The following RFTN1 variants were observed in gnomAD, a reference collection of about 807,000 sequenced individuals.
RFTN1 encodes raftlin, lipid raft linker 1.
A neutral mutation model predicts 46.5 loss-of-function variants in RFTN1; 26 were observed. The observed-to-expected ratio is 0.56, with a 90% confidence interval of 0.41 to 0.78. The LOEUF (loss-of-function observed/expected upper bound fraction) is 0.78, where lower values mean the gene tolerates loss of function less well. Among genes scored for constraint, RFTN1 ranks in the 30% least tolerant of loss-of-function variants. The pLI is 0.00. For missense variants in RFTN1, 693 were observed against 718.7 expected (o/e 0.96, Z 0.41); for synonymous variants, 261 against 284.2 (o/e 0.92, Z 0.82).
chr3:16,396,518 T>C (rs900573948), intron 4 of RFTN1, among the ~76,000 whole-genome samples: 2 of 152,122 alleles, frequency 1.3e-5, no homozygotes, highest in African/African-American at 4.8e-5. Flanking sequence ...TTAAAGACAC[T>C]AGAAGAATGG....
Position 16,346,662 on chromosome 3 carries a change from A to G in RFTN1, c.1146+11270T>C, listed in dbSNP as rs370332535. 1.1e-4 allele frequency among the ~76,000 whole-genome samples: 17 copies of G among 152,334 alleles called. No individual in the cohort carries two copies. The highest frequency in any genetic ancestry group is 3.6e-4 in the African/African-American group (15 of 41,584). On this transcript the variant is annotated intron_variant, in intron 7 of 9. Transcript: ENST00000334133. The surrounding 1 kb of genome is among the most constrained non-coding windows in gnomAD (Gnocchi z 4.4). ...TGGGTCTGTGACTCAGTCCTGGCCA[A>G]TGAGACCTGAGGAAATCTCTGTTGT...
chr3:16,492,478 A>C (rs2076552591), intron 2 of RFTN1, among the ~76,000 whole-genome samples: 1 of 152,180 alleles, frequency 6.6e-6, no homozygotes, highest in African/African-American at 2.4e-5. Context: ...AGATGAGGAC[A>C]CTGCAGGACT....
rs1223361407 is a variant in RFTN1, at chr3:16,458,631, A to C, written c.146-24594T>G. On this transcript the variant is annotated intron_variant, in intron 2 of 9. Transcript: ENST00000334133. The surrounding 1 kb of genome is among the most constrained non-coding windows in gnomAD (Gnocchi z 5.1). Reference sequence around the variant, plus strand: ...ACAAGCATTTCGACCCACACACTCTATTTACATATCATAGCAAACAGCCTC... The same window carrying C: ...ACAAGCATTTCGACCCACACACTCTCTTTACATATCATAGCAAACAGCCTC... 6.6e-6 allele frequency among the ~76,000 whole-genome samples: 1 copy of C among 152,178 alleles called. No individual in the cohort carries two copies. The highest frequency in any genetic ancestry group is 1.5e-5 in the Non-Finnish European group (1 of 68,028).
At position 16,374,897 on chromosome 3, in the gene RFTN1, ACCGAGCC is replaced by A. The variant is rs1350623033; in HGVS notation, c.826+2814_826+2820del. Among the ~76,000 whole-genome samples the A allele has an allele frequency of 3.3e-5, 5 of 152,240 alleles. No individual in the cohort carries two copies. The highest frequency in any genetic ancestry group is 2.0e-4 in the Admixed American group (3 of 15,308). ...AGGGGCAAGGAGGCGTGACGGCTGC[ACCGAGCC>A]CGCAGAGATGGGGAGGGACGACCTG... On this transcript the variant is annotated intron_variant, in intron 5 of 9. Coordinates refer to ENST00000334133, the MANE Select transcript of RFTN1 (RefSeq NM_015150.2). The surrounding 1 kb of genome is among the most constrained non-coding windows in gnomAD (Gnocchi z 5.4).
chr3:16,392,812 CA>C (rs923408817), intron 4 of RFTN1, among the ~76,000 whole-genome samples: 5 of 152,024 alleles, frequency 3.3e-5, no homozygotes, highest in Non-Finnish European at 5.9e-5. Flanking sequence ...AAGTCACTTC[CA>C]GGGAGGGTTT....
At chr3:16,403,441 A>C (rs1196334687) in intron 4 of RFTN1, among the ~76,000 whole-genome samples, 1 of 149,772 alleles carries the variant, frequency 6.7e-6, no homozygotes, top group East Asian at 2.0e-4. Context: ...ACTTCAGCAT[A>C]AGGTTTGCCT....
At chr3:16,359,032 C>CAAAAA (rs771185605) in intron 6 of RFTN1, among the ~76,000 whole-genome samples, 212 of 89,384 alleles carry the variant, frequency 2.4e-3, no homozygotes, top group African/African-American at 7.6e-3. Context: ...ATTCTGTCTC[C>CAAAAA]AAAAAAAAAA....
rs886267918 is a variant in RFTN1, at chr3:16,407,290, C to A, written c.441+2085G>T. ...CTCAAACTCCTGGGCTCAAGCAATTCTCTCGCCTCAGCCTCTAGAGTAGCT... is the reference window on the plus strand; with the variant it reads ...CTCAAACTCCTGGGCTCAAGCAATTATCTCGCCTCAGCCTCTAGAGTAGCT... On this transcript the variant is annotated intron_variant, in intron 4 of 9. Transcript: ENST00000334133. The surrounding 1 kb of genome is among the most constrained non-coding windows in gnomAD (Gnocchi z 4.0). Among the ~76,000 whole-genome samples the A allele has an allele frequency of 6.6e-6, 1 of 152,174 alleles. No individual in the cohort carries two copies. Among genetic ancestry groups the A allele is most frequent in the Non-Finnish European group, 1.5e-5 (1 of 68,044 alleles).
At chr3:16,469,053 C>T (rs1365000858) in intron 2 of RFTN1, among the ~76,000 whole-genome samples, 1 of 152,232 alleles carries the variant, frequency 6.6e-6, no homozygotes, top group East Asian at 1.9e-4. Flanking sequence ...GCCTATCCCA[C>T]GTCCAAATAA....
intron 7 of RFTN1, among the ~76,000 whole-genome samples, chr3:16,357,560 G>A: frequency 6.6e-6 from 1 of 152,198 alleles, no homozygotes; most frequent in East Asian, 1.9e-4. Context: ...TGCAGAGGGA[G>A]CCACAGGGTC....
chr3:16,363,377 C>T (rs1347680251), intron 6 of RFTN1, among the ~76,000 whole-genome samples: 2 of 152,312 alleles, frequency 1.3e-5, no homozygotes, highest in Non-Finnish European at 2.9e-5. Flanking sequence ...TTTATTAAAG[C>T]GAAGATGCTT....
At chr3:16,391,858 G>GTTTT (rs1272551461) in intron 4 of RFTN1, among the ~76,000 whole-genome samples, 532 of 49,116 alleles carry the variant, frequency 0.011, 108 homozygotes, top group Non-Finnish European at 0.022. Context: ...TAGTGCAAAG[G>GTTTT]TTTTTTTTTT....
chr3:16,392,065 G>T (rs1260385981), intron 4 of RFTN1, among the ~76,000 whole-genome samples: 1 of 151,956 alleles, frequency 6.6e-6, no homozygotes, highest in Non-Finnish European at 1.5e-5. Flanking sequence ...CAATAATTGA[G>T]TATCTCATCT....
In RFTN1 at chr3:16,490,213, T is replaced by C. The variant is rs988153852; in HGVS notation, c.145+3512A>G. On this transcript the variant is annotated intron_variant, in intron 2 of 9. Transcript: ENST00000334133. ...CTGAGGGAAACACAAATAGGTTTAA[T>C]ATATGATGTAATCAAAATGTCAAAA... 4.6e-5 allele frequency among the ~76,000 whole-genome samples: 7 copies of C among 152,318 alleles called. No homozygotes were observed. In the South Asian group the frequency reaches 1.2e-3, roughly 27 times the overall value.
chr3:16,420,944 C>T (rs2075171864), intron 3 of RFTN1, among the ~76,000 whole-genome samples: 1 of 152,166 alleles, frequency 6.6e-6, no homozygotes, highest in Non-Finnish European at 1.5e-5. Context: ...GCTGCTGGTG[C>T]ATGGACCACA....
chr3:16,336,169 G>C lies in RFTN1; in HGVS notation c.1147-9293C>G, dbSNP rs2070829538. On this transcript the variant is annotated intron_variant, in intron 7 of 9. Transcript: ENST00000334133. This position sits in a 1 kb window ranked among gnomAD's most constrained non-coding sequence, Gnocchi z 6.0. Reference sequence around the variant, plus strand: ...GGAAGGCAGATGCTGGAACACGGCGGGCAGTGTTGCAGAAAACTCCACGTG... The same window carrying C: ...GGAAGGCAGATGCTGGAACACGGCGCGCAGTGTTGCAGAAAACTCCACGTG... Among the ~76,000 whole-genome samples, 1 of 152,250 alleles carries C rather than the reference G, an allele frequency of 6.6e-6. No individual in the cohort carries two copies.
rs200363069 is a variant in RFTN1 at position 16,315,915 on chromosome 3, T to G, written c.*913A>C. The G allele has an allele frequency of 6.6e-6, 1 of 152,222 alleles. No individual in the cohort carries two copies. The highest frequency in any genetic ancestry group is 1.5e-5 in the Non-Finnish European group (1 of 68,046). 9.4% of individuals were successfully genotyped at this position (152,222 alleles called of 1,614,324 possible). ...AACAAGAGAAGAGACAGGCTGTGGGTTTGGTCAAGACAATCAGCATTCCCT... is the reference window on the plus strand; with the variant it reads ...AACAAGAGAAGAGACAGGCTGTGGGGTTGGTCAAGACAATCAGCATTCCCT... On this transcript the variant is annotated 3_prime_UTR_variant, in exon 10 of 10. Coordinates refer to ENST00000334133, the MANE Select transcript of RFTN1 (RefSeq NM_015150.2).
chr3:16,433,444 C>A lies in RFTN1; in HGVS notation c.332+407G>T, dbSNP rs899017797. 6.6e-6 allele frequency among the ~76,000 whole-genome samples: 1 copy of A among 152,078 alleles called. No individual in the cohort carries two copies. Among genetic ancestry groups the A allele is most frequent in the Non-Finnish European group, 1.5e-5 (1 of 68,020 alleles). ...AATGTTAAAGTATTTCTAGACTTTGCGGGAAGACATTAAGTTTGTCTATAG... is the reference window on the plus strand; with the variant it reads ...AATGTTAAAGTATTTCTAGACTTTGAGGGAAGACATTAAGTTTGTCTATAG... On this transcript the variant is annotated intron_variant, in intron 3 of 9. Coordinates refer to ENST00000334133, the MANE Select transcript of RFTN1 (RefSeq NM_015150.2). This position sits in a 1 kb window ranked among gnomAD's most constrained non-coding sequence, Gnocchi z 4.4.
chr3:16,373,068 G>T (rs964672438), intron 5 of RFTN1, among the ~76,000 whole-genome samples: 1 of 152,126 alleles, frequency 6.6e-6, no homozygotes, highest in Non-Finnish European at 1.5e-5. Context: ...ACATCCTCAC[G>T]TGAGCAAGCA....
Sources: gnomAD v4.1 joint callset for allele counts (sites outside exome capture counted in the v4.1 genomes callset) on GRCh38, gnomAD v4.1.1 for gene constraint, Gnocchi (gnomAD v3.1) non-coding constraint, MANE v1.5 for transcripts, NCBI Gene and HGNC (gene_info 2026-07-23, HGNC 2026-07-21) for gene names.